NALCN: variants seen among roughly 807,000 people sequenced by gnomAD.
NALCN encodes the protein sodium leak channel NALCN.
A neutral mutation model predicts 225.3 loss-of-function variants in NALCN; 111 were observed. That is an observed-to-expected ratio of 0.49 (90% confidence interval 0.42 to 0.58). The LOEUF is 0.58. Among genes scored for constraint, NALCN ranks in the 20% least tolerant of loss-of-function variants. NALCN has a pLI of 0.00. For synonymous variants in NALCN, 764 were observed against 769.0 expected (o/e 0.99, Z 0.11); for missense variants, 1,378 against 2,202.4 (o/e 0.63, Z 7.49).
At chr13:101,267,722 A>T (rs1256874374) in intron 10 of NALCN, among the ~76,000 whole-genome samples, 1 of 152,158 alleles carries the variant, frequency 6.6e-6, no homozygotes, top group East Asian at 1.9e-4. Flanking sequence ...ATGCCAGCTG[A>T]CGAGTGGCTG....
intron 7 of NALCN, among the ~76,000 whole-genome samples, chr13:101,340,584 T>C (rs528806166): frequency 2.0e-5 from 3 of 152,332 alleles, no homozygotes; most frequent in African/African-American, 7.2e-5. Context: ...GGTCTATCAC[T>C]TACCCCATTT....
chr13:101,167,095 T>C (rs551522097), intron 15 of NALCN, among the ~76,000 whole-genome samples: 1 of 152,206 alleles, frequency 6.6e-6, no homozygotes, highest in Non-Finnish European at 1.5e-5. Flanking sequence ...TATGCCAGTA[T>C]CACACTGTTT....
At chr13:101,393,734 G>A (rs983632092) in intron 3 of NALCN, among the ~76,000 whole-genome samples, 3 of 152,180 alleles carry the variant, frequency 2.0e-5, no homozygotes, top group Non-Finnish European at 4.4e-5. Context: ...TTGAATGCAG[G>A]AGGCAGAGGT....
rs74807744 is a variant in NALCN at position 101,074,539 on chromosome 13, C to A, written c.4078G>T (p.Val1360Leu). The A allele has an allele frequency of 6.2e-7, 1 of 1,611,582 alleles. No homozygotes were observed. The highest frequency in any genetic ancestry group is 2.2e-5 in the East Asian group (1 of 44,818). ...AFAGVVLFGT[V>L]KYGENINRHA... ...CTGTTAATATTCTCCCCATATTTCA[C>A]AGTACCAAATAAAACAACTCCAGCA... Residue 1360 changes from valine (V) to leucine (L), a missense_variant, in exon 36 of 44, where the codon GTG becomes TTG. By Grantham distance (32) the Val-to-Leu change is conservative. Around this residue, in one of 19 missense-constraint regions of NALCN, gnomAD observed 76 missense variants for 118.7 expected, o/e 0.64. Transcript: ENST00000251127.
chr13:101,211,618 T>G (rs548503584), intron 13 of NALCN, among the ~76,000 whole-genome samples: 3 of 146,992 alleles, frequency 2.0e-5, no homozygotes, highest in Admixed American at 6.8e-5. Context: ...AATTTTACAG[T>G]TTTTTTTGGG....
chr13:101,122,994 G>T (rs116147892), intron 18 of NALCN, among the ~76,000 whole-genome samples: 1 of 152,142 alleles, frequency 6.6e-6, no homozygotes, highest in South Asian at 2.1e-4. Context: ...ATTAATACAC[G>T]CCATAGTTTC....
intron 37 of NALCN, among the ~76,000 whole-genome samples, chr13:101,071,261 A>G (rs1181843498): frequency 6.6e-6 from 1 of 152,224 alleles, no homozygotes; most frequent in South Asian, 2.1e-4. Context: ...CCCTAACAAC[A>G]GAGTAAGTCT....
At chr13:101,212,831 C>G (rs1402809105) in intron 13 of NALCN, among the ~76,000 whole-genome samples, 1 of 151,996 alleles carries the variant, frequency 6.6e-6, no homozygotes, top group Non-Finnish European at 1.5e-5. Flanking sequence ...TCTTATCCAT[C>G]TGATAGGAAG....
intron 43 of NALCN, among the ~76,000 whole-genome samples, chr13:101,055,705 A>T (rs1232034342): frequency 6.6e-6 from 1 of 152,124 alleles, no homozygotes; most frequent in Non-Finnish European, 1.5e-5. Context: ...TCATTTGGGA[A>T]AAAAACGTGC....
At chr13:101,163,304 G>A (rs916539822) in intron 15 of NALCN, among the ~76,000 whole-genome samples, 8 of 152,066 alleles carry the variant, frequency 5.3e-5, no homozygotes, top group Non-Finnish European at 1.0e-4. Context: ...TGATACAACC[G>A]ACAACCCACC....
At chr13:101,233,586 C>T (rs1036882600) in intron 12 of NALCN, among the ~76,000 whole-genome samples, 4 of 151,904 alleles carry the variant, frequency 2.6e-5, no homozygotes, top group East Asian at 3.9e-4. Context: ...GTGATCCACC[C>T]GCCTCGGCCT....
At chr13:101,101,084 T>G (rs2139598559) in intron 26 of NALCN, among the ~76,000 whole-genome samples, 196 bp from the exon 27 acceptor site, 1 of 152,236 alleles carries the variant, frequency 6.6e-6, no homozygotes, top group Middle Eastern at 3.4e-3. Flanking sequence ...ATTAACAAGC[T>G]TTGAATTTTT....
At chr13:101,057,664 C>G in intron 43 of NALCN, 1 of 438,782 alleles carries the variant, frequency 2.3e-6, no homozygotes, top group Admixed American at 3.8e-5. Flanking sequence ...GGAAATTTCT[C>G]CCTCTTGCTG....
At chr13:101,083,950 G>T (rs2033799694) in intron 30 of NALCN, 146 bp from the exon 31 acceptor site, 2 of 665,164 alleles carry the variant, frequency 3.0e-6, no homozygotes, top group Non-Finnish European at 4.6e-6. Context: ...GAGAAACATG[G>T]TCAGAATGCT....
intron 20 of NALCN, 36 bp downstream of exon 20, chr13:101,110,583 A>G: frequency 6.3e-7 from 1 of 1,598,952 alleles, no homozygotes; most frequent in Non-Finnish European, 8.6e-7. Context: ...TTTCATAATC[A>G]CGTTTCTGAA....
chr13:101,361,735 C>T (rs1286295364), intron 6 of NALCN, among the ~76,000 whole-genome samples: 1 of 152,120 alleles, frequency 6.6e-6, no homozygotes, highest in African/African-American at 2.4e-5. Context: ...AAATAACATA[C>T]AGCAATTGTT....
At chr13:101,360,452 T>C (rs79363049) in intron 6 of NALCN, among the ~76,000 whole-genome samples, 7,366 of 152,100 alleles carry the variant, frequency 0.048, 601 homozygotes, top group African/African-American at 0.17. Flanking sequence ...AGGTTGGTCT[T>C]GAACTCCTAG....
chr13:101,157,394 T>C (rs2037956608), intron 15 of NALCN, among the ~76,000 whole-genome samples: 1 of 152,048 alleles, frequency 6.6e-6, no homozygotes, highest in African/African-American at 2.4e-5. Flanking sequence ...TAGAGCTGAA[T>C]TACAGAAAAC....
Position 101,149,042 on chromosome 13 carries a change from C to T in NALCN, c.1840-4146G>A, listed in dbSNP as rs370685593. The stretch of plus-strand genomic sequence containing the variant: ...GGCGCAGTGGCTCACGCCTGTAATC[C>T]CAGTACTTTGGGAGGCCGAGGTGGG... On this transcript the variant is annotated intron_variant, in intron 15 of 43. Coordinates refer to ENST00000251127, the MANE Select transcript of NALCN (RefSeq NM_052867.4). 3.2e-4 allele frequency among the ~76,000 whole-genome samples: 49 copies of T among 152,282 alleles called. No homozygotes were observed. The South Asian group carries it at 9.5e-3, about 30-fold the overall frequency.
Sources: allele counts gnomAD v4.1 joint callset (sites outside exome capture counted in the v4.1 genomes callset), GRCh38; gene constraint gnomAD v4.1.1; regional missense constraint gnomAD v4.1.1; transcripts MANE v1.5; gene names NCBI Gene and HGNC (gene_info 2026-07-23, HGNC 2026-07-21).